Variants in MYO3B observed in about 807,000 individuals in gnomAD.
MYO3B encodes myosin IIIB.
A neutral mutation model predicts 174.6 loss-of-function variants in MYO3B; 156 were observed. The ratio of observed to expected loss-of-function variants is 0.89; its 90% confidence interval spans 0.78 to 1.02. The LOEUF is 1.02. Among genes scored for constraint, MYO3B ranks in the 50% least tolerant of loss-of-function variants. MYO3B has a pLI of 0.00. For missense variants in MYO3B, 1,632 were observed against 1,639.4 expected, an observed-to-expected ratio of 1.00 and a Z score of 0.08; for synonymous variants, 563 against 569.1, an observed-to-expected ratio of 0.99 and a Z score of 0.15.
intron 7 of MYO3B, among the ~76,000 whole-genome samples, chr2:170,318,828 G>C (rs2093794558): frequency 8.7e-6 from 1 of 114,430 alleles, no homozygotes; most frequent in South Asian, 2.7e-4. Flanking sequence ...AAAAAAATCT[G>C]TGTCATGTGT....
At chr2:170,599,217 A>G (rs1694336878) in intron 32 of MYO3B, among the ~76,000 whole-genome samples, 1 of 152,206 alleles carries the variant, frequency 6.6e-6, no homozygotes, top group Admixed American at 6.5e-5. Flanking sequence ...TAAGGACTAC[A>G]TCAAGCTAAA....
At chr2:170,650,672 CTTTTTTTTTTTT>C (rs766676996) in intron 32 of MYO3B, among the ~76,000 whole-genome samples, 22 of 76,976 alleles carry the variant, frequency 2.9e-4, no homozygotes, top group East Asian at 4.3e-4. Context: ...TGAATTATGA[CTTTTTTTTTTTT>C]TTTTTTTTTT....
intron 7 of MYO3B, among the ~76,000 whole-genome samples, chr2:170,244,863 G>T (rs1406243579): frequency 1.3e-5 from 2 of 152,162 alleles, no homozygotes; most frequent in Admixed American, 1.3e-4. Flanking sequence ...AGTAAAATTT[G>T]TTGTGACATC....
Position 170,369,375 on chromosome 2 carries a change from C to T in MYO3B, c.969C>T (p.Thr323=), listed in dbSNP as rs750105468. 54 of 1,613,060 alleles carry T rather than the reference C, an allele frequency of 3.3e-5. No individual in the cohort carries two copies. The Middle Eastern group carries it at 6.6e-4, about 20-fold the overall frequency. ...DQKHQNPVAK[T]RHERMHTRRP... is the part of the protein sequence containing the mutation. ...AGCATCAAAATCCTGTTGCTAAAAC[C>T]AGGTACTGTACTCTCTTTCTTCTTT... Residue 323 remains threonine (T), a splice_region_variant and synonymous_variant, in exon 9 of 35, where the codon ACC becomes ACT. Transcript: ENST00000408978.
chr2:170,483,699 A>G (rs1437715856), intron 25 of MYO3B, among the ~76,000 whole-genome samples: 1 of 152,212 alleles, frequency 6.6e-6, no homozygotes, highest in African/African-American at 2.4e-5. Flanking sequence ...GATAATAACA[A>G]TGAAGCAGCA....
In MYO3B at chr2:170,549,008, G is replaced by A. The variant is rs191511445; in HGVS notation, c.3733+5020G>A. 1.2e-4 allele frequency among the ~76,000 whole-genome samples: 18 copies of A among 152,082 alleles called. No homozygotes were observed. The East Asian group carries it at 3.3e-3, about 28-fold the overall frequency. On this transcript the variant is annotated intron_variant, in intron 32 of 34. Transcript: ENST00000408978. ...AACAGGTTTTAAGCATTTTTTTTAGGCAGTAAAAGAAGTGGGTTTGAGAGG... is the reference window on the plus strand; with the variant it reads ...AACAGGTTTTAAGCATTTTTTTTAGACAGTAAAAGAAGTGGGTTTGAGAGG...
At chr2:170,347,058 A>G (rs1220891392) in intron 8 of MYO3B, among the ~76,000 whole-genome samples, 1 of 152,336 alleles carries the variant, frequency 6.6e-6, no homozygotes, top group East Asian at 1.9e-4. Flanking sequence ...GCAAATTGGC[A>G]TATGTTCAAC....
intron 32 of MYO3B, among the ~76,000 whole-genome samples, chr2:170,547,286 C>T (rs191978101): frequency 0.015 from 2,315 of 151,082 alleles, 48 homozygotes; most frequent in African/African-American, 0.043. Context: ...GCCGAGATCG[C>T]GCCACTGTAC....
intron 8 of MYO3B, chr2:170,342,000 T>G (rs2105563291): frequency 6.6e-6 from 1 of 152,308 alleles, no homozygotes; most frequent in Middle Eastern, 3.4e-3. Flanking sequence ...TGGAATATAC[T>G]AGGAATATAT....
intron 7 of MYO3B, among the ~76,000 whole-genome samples, chr2:170,324,615 C>A (rs2093851812): frequency 6.6e-6 from 1 of 152,110 alleles, no homozygotes; most frequent in African/African-American, 2.4e-5. Flanking sequence ...CATTCCTGGC[C>A]TCTCTCTGTT....
In MYO3B at chr2:170,402,853, C is replaced by T. The variant is rs769457515; in HGVS notation, c.2135C>T (p.Ala712Val). The T allele has an allele frequency of 6.2e-7, 1 of 1,608,518 alleles. No homozygotes were observed. Among genetic ancestry groups the T allele is most frequent in the Non-Finnish European group, 8.5e-7 (1 of 1,176,008 alleles). ...TGTTCTTCTCTCTCATGCAGTAGTG[C>T]AGGAGGTGGAATGAATGTGGGGATC... ...LLQPDENICS[A>V]GGGMNVGILD... The change falls in exon 19 of 35, where the codon GCA becomes GTA. Residue 712 changes from alanine (A) to valine (V), a missense_variant. By Grantham distance (64) the Ala-to-Val change is moderately conservative. Transcript: ENST00000408978.
chr2:170,388,145 A>G (rs1188009485), intron 14 of MYO3B, among the ~76,000 whole-genome samples: 1 of 152,114 alleles, frequency 6.6e-6, no homozygotes, highest in Non-Finnish European at 1.5e-5. Context: ...ATATTAATGC[A>G]TTATTGAATC....
intron 30 of MYO3B, among the ~76,000 whole-genome samples, chr2:170,542,075 C>T (rs1423092251): frequency 2.0e-5 from 3 of 149,148 alleles, no homozygotes; most frequent in Non-Finnish European, 3.0e-5. Flanking sequence ...CCGAATACTA[C>T]AGAAACTTAC....
At chr2:170,421,206 C>T (rs982644888) in intron 22 of MYO3B, among the ~76,000 whole-genome samples, 3 of 152,068 alleles carry the variant, frequency 2.0e-5, no homozygotes, top group Admixed American at 2.0e-4. Context: ...GGCAGGAAGC[C>T]CACCAGAATC....
chr2:170,616,625 G>C (rs116396267), intron 32 of MYO3B, among the ~76,000 whole-genome samples: 1,972 of 152,274 alleles, frequency 0.013, 19 homozygotes, highest in Non-Finnish European at 0.02. Context: ...CAATTGGACT[G>C]AAGAATATTT....
chr2:170,559,296 G>C (rs1691555087), intron 32 of MYO3B, among the ~76,000 whole-genome samples: 1 of 152,132 alleles, frequency 6.6e-6, no homozygotes, highest in African/African-American at 2.4e-5. Flanking sequence ...TCTCCTCTTT[G>C]TTCTTTAAAT....
intron 32 of MYO3B, among the ~76,000 whole-genome samples, chr2:170,588,197 C>T (rs891252176): frequency 5.3e-5 from 8 of 151,764 alleles, no homozygotes; most frequent in Non-Finnish European, 8.8e-5. Flanking sequence ...TTTGGGAGGC[C>T]GAGGAGGGTG....
intron 32 of MYO3B, among the ~76,000 whole-genome samples, chr2:170,553,352 C>T (rs1040388191): frequency 6.6e-6 from 1 of 152,206 alleles, no homozygotes; most frequent in African/African-American, 2.4e-5. Flanking sequence ...TGGGAGCCCA[C>T]CTCTTGCATC....
intron 8 of MYO3B, among the ~76,000 whole-genome samples, chr2:170,343,078 C>CACACACA: frequency 2.1e-5 from 3 of 142,454 alleles, no homozygotes; most frequent in Non-Finnish European, 4.6e-5. Context: ...CACACACACA[C>CACACACA]CCCTCTCCAC....
Sources: allele counts gnomAD v4.1 joint callset (sites outside exome capture counted in the v4.1 genomes callset), GRCh38; gene constraint gnomAD v4.1.1; transcripts MANE v1.5; gene names NCBI Gene and HGNC (gene_info 2026-07-23, HGNC 2026-07-21).